Variants in COL8A1 observed in about 807,000 individuals in gnomAD.
COL8A1 encodes collagen alpha-1(VIII) chain.
Under a neutral mutation model 42.7 loss-of-function variants are expected in COL8A1, and 21 were observed. The ratio of observed to expected loss-of-function variants is 0.49; its 90% CI spans 0.35 to 0.71. The LOEUF is 0.71. Among genes scored for constraint, COL8A1 ranks in the 30% least tolerant of loss-of-function variants. COL8A1 has a pLI of 0.01. For missense variants in COL8A1, 788 were observed against 962.4 expected, an observed-to-expected ratio of 0.82 and a Z score of 2.40; for synonymous variants, 367 against 369.1, an observed-to-expected ratio of 0.99 and a Z score of 0.06.
At chr3:99,645,901 G>C (rs1403862593) in intron 1 of COL8A1, among the ~76,000 whole-genome samples, 1 of 152,262 alleles carries the variant, frequency 6.6e-6, no homozygotes, top group East Asian at 1.9e-4. Flanking sequence ...CCTGGCAGCT[G>C]GGGGTCAGTG....
chr3:99,653,029 A>G (rs1005718933), intron 1 of COL8A1, among the ~76,000 whole-genome samples: 2 of 152,192 alleles, frequency 1.3e-5, no homozygotes, highest in Non-Finnish European at 2.9e-5. Flanking sequence ...AGTCTTGCCA[A>G]GTCTTTGCTT....
At position 99,797,283 on chromosome 3, in the gene COL8A1, T is replaced by C. The variant is rs1487526349; in HGVS notation, c.*1147T>C. 6.6e-6 allele frequency: 1 copy of C among 152,170 alleles called. No homozygotes were observed. The highest frequency in any genetic ancestry group is 1.5e-5 in the Non-Finnish European group (1 of 68,040). 9.4% of individuals were successfully genotyped at this position (152,170 alleles called of 1,614,324 possible). ...AGGTTCCAAAGTCAATTTTTTTCTT[T>C]TTTTTTTGAGATGGAGTCTTACTCT... On this transcript the variant is annotated 3_prime_UTR_variant, in exon 4 of 4. Coordinates refer to ENST00000652472, the MANE Select transcript of COL8A1 (RefSeq NM_020351.4).
intron 1 of COL8A1, among the ~76,000 whole-genome samples, chr3:99,708,315 A>G (rs1334686565): frequency 6.6e-6 from 1 of 152,182 alleles, no homozygotes. Flanking sequence ...AGATGCCTCA[A>G]GACAGACTGT....
At chr3:99,669,375 A>C (rs532851545) in intron 1 of COL8A1, among the ~76,000 whole-genome samples, 2 of 152,002 alleles carry the variant, frequency 1.3e-5, no homozygotes, top group African/African-American at 4.8e-5. Flanking sequence ...CAATGGAAAA[A>C]TGAAGGTCAT....
intron 2 of COL8A1, among the ~76,000 whole-genome samples, chr3:99,785,283 G>T (rs1941872397): frequency 1.3e-5 from 2 of 152,096 alleles, no homozygotes. Flanking sequence ...GCTGAATTAG[G>T]TATTTTTGAA....
At chr3:99,685,164 T>C (rs977559793) in intron 1 of COL8A1, among the ~76,000 whole-genome samples, 1 of 152,048 alleles carries the variant, frequency 6.6e-6, no homozygotes, top group Non-Finnish European at 1.5e-5. Context: ...AGAAAACAAA[T>C]GCAGATGATG....
chr3:99,695,532 A>G (rs1242576373), intron 1 of COL8A1, among the ~76,000 whole-genome samples: 2 of 152,098 alleles, frequency 1.3e-5, no homozygotes, highest in Non-Finnish European at 2.9e-5. Context: ...AAAAATCAGA[A>G]GACCAGCTGG....
At chr3:99,649,313 T>C (rs954479986) in intron 1 of COL8A1, among the ~76,000 whole-genome samples, 2 of 152,040 alleles carry the variant, frequency 1.3e-5, no homozygotes, top group Admixed American at 6.6e-5. Flanking sequence ...TGCAGAAAGA[T>C]TTGTGTCTTA....
chr3:99,664,461 A>G (rs1357568985), intron 1 of COL8A1, among the ~76,000 whole-genome samples: 1 of 151,366 alleles, frequency 6.6e-6, no homozygotes, highest in African/African-American at 2.4e-5. Context: ...CTGCACATGT[A>G]CCCTAAAACT....
chr3:99,789,857 T>C (rs1941966789), intron 2 of COL8A1, among the ~76,000 whole-genome samples: 1 of 152,214 alleles, frequency 6.6e-6, no homozygotes, highest in Non-Finnish European at 1.5e-5. Context: ...AATGAATTCA[T>C]AGTATTTTAA....
chr3:99,731,800 G>T (rs1411381180), intron 1 of COL8A1, among the ~76,000 whole-genome samples: 2 of 152,182 alleles, frequency 1.3e-5, no homozygotes, highest in Non-Finnish European at 2.9e-5. Context: ...AGAACTTTCA[G>T]TAAATTTGGA....
chr3:99,776,689 T>C (rs1941699289), intron 2 of COL8A1, among the ~76,000 whole-genome samples: 1 of 152,096 alleles, frequency 6.6e-6, no homozygotes, highest in African/African-American at 2.4e-5. Flanking sequence ...ATTAAGAAAG[T>C]AAAGGAATAA....
intron 2 of COL8A1, among the ~76,000 whole-genome samples, chr3:99,746,557 C>A (rs1289418828): frequency 6.6e-6 from 1 of 152,130 alleles, no homozygotes; most frequent in Non-Finnish European, 1.5e-5. Context: ...TAAACTAAAT[C>A]ATAAAAATGC....
intron 2 of COL8A1, among the ~76,000 whole-genome samples, chr3:99,757,920 T>C (rs1352438290): frequency 6.6e-6 from 1 of 152,164 alleles, no homozygotes; most frequent in East Asian, 1.9e-4. Flanking sequence ...GATCTTTGAA[T>C]CTAAAACCTT....
At chr3:99,644,352 A>G (rs1342987267) in intron 1 of COL8A1, among the ~76,000 whole-genome samples, 1 of 152,190 alleles carries the variant, frequency 6.6e-6, no homozygotes, top group Non-Finnish European at 1.5e-5. Flanking sequence ...ACCCAGGATA[A>G]TAACTCCATG....
At chr3:99,640,353 C>T (rs1194706312) in intron 1 of COL8A1, among the ~76,000 whole-genome samples, 1 of 152,138 alleles carries the variant, frequency 6.6e-6, no homozygotes, top group Non-Finnish European at 1.5e-5. Flanking sequence ...AAGGCCAGAC[C>T]AAGTATGTGG....
At chr3:99,640,785 C>T (rs1006066646) in intron 1 of COL8A1, among the ~76,000 whole-genome samples, 1 of 152,116 alleles carries the variant, frequency 6.6e-6, no homozygotes, top group Non-Finnish European at 1.5e-5. Flanking sequence ...AAATCAGTGT[C>T]GAAGTTTCAT....
chr3:99,750,813 G>T (rs1941131979), intron 2 of COL8A1, among the ~76,000 whole-genome samples: 1 of 152,130 alleles, frequency 6.6e-6, no homozygotes, highest in East Asian at 1.9e-4. Context: ...TTGTAATACG[G>T]GCTGGTAAAG....
chr3:99,645,712 A>G (rs1559766449), intron 1 of COL8A1, among the ~76,000 whole-genome samples: 1 of 151,764 alleles, frequency 6.6e-6, no homozygotes, highest in African/African-American at 2.4e-5. Flanking sequence ...AAAAAAAAAA[A>G]TCCTAATTTA....
Sources: allele counts gnomAD v4.1 joint callset (sites outside exome capture counted in the v4.1 genomes callset), GRCh38; gene constraint gnomAD v4.1.1; transcripts MANE v1.5; gene names NCBI Gene and HGNC (gene_info 2026-07-23, HGNC 2026-07-21).